DMD: variants seen among roughly 807,000 people sequenced by gnomAD.
DMD encodes the protein mutant dystrophin.
DMD carries 63 observed loss-of-function variants against 330.1 expected under a neutral mutation model. That is an observed-to-expected ratio of 0.19 (90% CI 0.16 to 0.24). DMD has a LOEUF of 0.24. Ranked by LOEUF, DMD falls within the 10% of genes least tolerant of loss-of-function variation. The pLI is 1.00. For missense variants in DMD, 3,344 were observed against 2,684.1 expected, an observed-to-expected ratio of 1.25 and a Z score of -5.43; for synonymous variants, 1,223 against 959.8, an observed-to-expected ratio of 1.27 and a Z score of -5.07.
chrX:32,446,331 T>C (rs2098304285), intron 27 of DMD, among the ~76,000 whole-genome samples: 1 of 106,774 alleles, frequency 9.4e-6, no homozygotes, highest in Non-Finnish European at 2.0e-5. Flanking sequence ...GAGAAAATGA[T>C]AAAGAAACAA....
intron 55 of DMD, among the ~76,000 whole-genome samples, chrX:31,614,533 A>G (rs1337204274): frequency 8.9e-6 from 1 of 112,093 alleles, no homozygotes; most frequent in Non-Finnish European, 1.9e-5. Context: ...CCACAGACTC[A>G]GGAGCAAACA....
At chrX:32,887,745 CAAAAAAAAAAAAAAAAA>C (rs771100080) in intron 2 of DMD, among the ~76,000 whole-genome samples, 1 of 6,488 alleles carries the variant, frequency 1.5e-4, no homozygotes, top group Admixed American at 3.6e-3. Context: ...AAGACTGTCT[CAAAAAAAAAAAAAAAAA>C]AAAAAAAAAA....
chrX:31,682,698 G>C (rs1219617821), intron 52 of DMD, among the ~76,000 whole-genome samples: 1 of 111,863 alleles, frequency 8.9e-6, no homozygotes, highest in African/African-American at 3.2e-5. Context: ...AATAGTCTCT[G>C]ATTCCAATTT....
At chrX:31,529,221 CAA>C (rs756790212) in intron 55 of DMD, among the ~76,000 whole-genome samples, 1 of 90,011 alleles carries the variant, frequency 1.1e-5, no homozygotes. Flanking sequence ...GACTCCATTT[CAA>C]AAAAAAAAAA....
intron 17 of DMD, among the ~76,000 whole-genome samples, chrX:32,528,315 GA>G (rs111560517): frequency 1.6e-4 from 17 of 107,707 alleles, no homozygotes; most frequent in South Asian, 4.0e-4. Flanking sequence ...TCTCAAAAAA[GA>G]AAAAAAAATA....
intron 1 of DMD, among the ~76,000 whole-genome samples, chrX:33,246,650 A>G (rs148309933): frequency 0.017 from 1,896 of 111,226 alleles, 37 homozygotes; most frequent in African/African-American, 0.059. Context: ...AATTAGAGAA[A>G]TTATTTCATT....
intron 44 of DMD, among the ~76,000 whole-genome samples, chrX:31,992,527 T>C (rs2095557657): frequency 9.0e-6 from 1 of 111,378 alleles, no homozygotes; most frequent in Admixed American, 9.6e-5. Context: ...TTATAATATT[T>C]TAAAGTATAT....
intron 7 of DMD, among the ~76,000 whole-genome samples, chrX:32,804,759 G>A (rs2076832001): frequency 4.5e-5 from 5 of 112,144 alleles, no homozygotes; most frequent in Non-Finnish European, 7.5e-5. Flanking sequence ...CCTCTGGGAC[G>A]AAGCTTCCAG....
chrX:32,609,242 C>T (rs808516), intron 12 of DMD, among the ~76,000 whole-genome samples: 23,216 of 109,670 alleles, frequency 0.21, 1,847 homozygotes, highest in South Asian at 0.43. Flanking sequence ...ACATGTTTTC[C>T]GGCCTCCTGT....
intron 52 of DMD, among the ~76,000 whole-genome samples, chrX:31,696,003 T>C (rs1424274312): frequency 9.0e-6 from 1 of 111,708 alleles, no homozygotes; most frequent in Non-Finnish European, 1.9e-5. Flanking sequence ...TTCCACAATG[T>C]ATATATATGG....
chrX:32,699,283 G>A lies in DMD; in HGVS notation c.660C>T (p.Thr220=), dbSNP rs2147607269. 1 of 1,204,058 alleles carries A rather than the reference G, an allele frequency of 8.3e-7. No homozygotes were observed. The highest frequency in any genetic ancestry group is 1.1e-6 in the Non-Finnish European group (1 of 889,012). ...EKLLDPEDVD[T]TYPDKKSILM... The stretch of plus-strand genomic sequence containing the variant: ...AGATGGACTTCTTATCTGGATAGGT[G>A]GTATCAACATCTGTAAGCACATTAA... The change falls in exon 8 of 79, where the codon ACC becomes ACT. Residue 220 remains threonine, a synonymous_variant. Transcript: ENST00000357033.
chrX:32,542,275 C>A (rs1267864031), intron 17 of DMD, among the ~76,000 whole-genome samples: 1 of 110,676 alleles, frequency 9.0e-6, no homozygotes, highest in Non-Finnish European at 1.9e-5. Context: ...CTAAAAAATA[C>A]AAAAAAAATT....
rs190863088 is a variant in DMD at position 31,736,128 on chromosome X, G to A, written c.7543-6380C>T. Among the ~76,000 whole-genome samples, 253 of 111,998 alleles carry A rather than the reference G, an allele frequency of 2.3e-3. 1 individual carries two copies. The highest frequency in any genetic ancestry group is 3.1e-3 in the Non-Finnish European group (167 of 53,187). ...GTTATGTATCTTGGCTGAAGCACTGGTTAATCGTTGATGGGAAGAACACAT... is the reference window on the plus strand; with the variant it reads ...GTTATGTATCTTGGCTGAAGCACTGATTAATCGTTGATGGGAAGAACACAT... On this transcript the variant is annotated intron_variant, in intron 51 of 78. Coordinates refer to ENST00000357033, the MANE Select transcript of DMD (RefSeq NM_004006.3).
intron 48 of DMD, among the ~76,000 whole-genome samples, chrX:31,861,831 C>T (rs1416516028): frequency 1.0e-5 from 1 of 99,873 alleles, no homozygotes; most frequent in East Asian, 3.3e-4. Flanking sequence ...CTTCTGCCCT[C>T]GCCAAGCCAA....
chrX:32,097,131 G>T (rs543783209), intron 44 of DMD, among the ~76,000 whole-genome samples: 1 of 110,869 alleles, frequency 9.0e-6, no homozygotes, highest in African/African-American at 3.3e-5. Context: ...TGTGCAGAAC[G>T]TGCAGATTTG....
chrX:32,688,290 A>G (rs2063028374), intron 9 of DMD, among the ~76,000 whole-genome samples: 1 of 111,944 alleles, frequency 8.9e-6, no homozygotes, highest in South Asian at 3.7e-4. Context: ...CTCTGGACCT[A>G]TCTCTGGTAT....
intron 60 of DMD, among the ~76,000 whole-genome samples, 180 bp from the exon 61 acceptor site, chrX:31,348,814 T>C (rs1040407846): frequency 8.9e-6 from 1 of 112,233 alleles, no homozygotes; most frequent in Non-Finnish European, 1.9e-5. Context: ...CTCGTTTTTA[T>C]CAATCCAAGG....
At chrX:31,931,605 A>G (rs1316098848) in intron 46 of DMD, among the ~76,000 whole-genome samples, 1 of 111,021 alleles carries the variant, frequency 9.0e-6, no homozygotes, top group African/African-American at 3.3e-5. Context: ...AAGAAAATGG[A>G]TTCTTCTTTT....
At chrX:32,056,011 T>G (rs1444027853) in intron 44 of DMD, among the ~76,000 whole-genome samples, 2 of 111,671 alleles carry the variant, frequency 1.8e-5, no homozygotes, top group African/African-American at 6.5e-5. Context: ...TCTTAATCTT[T>G]CAGTTTTATG....
Sources: gnomAD v4.1 joint callset for allele counts (sites outside exome capture counted in the v4.1 genomes callset) on GRCh38, gnomAD v4.1.1 for gene constraint, MANE v1.5 for transcripts, NCBI Gene and HGNC (gene_info 2026-07-23, HGNC 2026-07-21) for gene names.